The following EZH1 variants were observed in gnomAD, a reference collection of about 807,000 sequenced individuals.
EZH1 encodes histone-lysine N-methyltransferase EZH1.
In EZH1, 33 loss-of-function variants were observed where a neutral mutation model predicts 100.5. The ratio of observed to expected loss-of-function variants is 0.33; its 90% confidence interval spans 0.25 to 0.44. The LOEUF (loss-of-function observed/expected upper bound fraction) is 0.44, where lower values mean the gene tolerates loss of function less well. Among genes scored for constraint, EZH1 ranks in the 20% least tolerant of loss-of-function variants. The pLI, the probability that EZH1 is intolerant of heterozygous loss-of-function variation, is 1.00. For missense variants in EZH1, 475 were observed against 928.4 expected (o/e 0.51, Z 6.35); for synonymous variants, 272 against 313.8 (o/e 0.87, Z 1.41).
chr17:42,718,256 G>C lies in EZH1; in HGVS notation c.932-189C>G, dbSNP rs953924561. On this transcript the variant is annotated intron_variant, in intron 9 of 20. Transcript: ENST00000428826. The surrounding 1 kb of genome is among the most constrained non-coding windows in gnomAD (Gnocchi z 4.2). Reference sequence around the variant, plus strand: ...CAAAGCTAAGAGGTACTGAGGGACAGATAAGTTGCTAGTTAGTCTGTCCCT... The same window carrying C: ...CAAAGCTAAGAGGTACTGAGGGACACATAAGTTGCTAGTTAGTCTGTCCCT... The C allele has an allele frequency of 2.4e-6, 2 of 843,838 alleles. No individual in the cohort carries two copies. The highest frequency in any genetic ancestry group is 3.6e-6 in the Non-Finnish European group (2 of 550,774). The allele number at this position is 843,838 out of a possible 1,614,324, so 52.3% of individuals were successfully genotyped here.
Position 42,745,005 on chromosome 17 carries a change from A to T in EZH1, c.-103+6T>A. 1 of 1,271,206 alleles carries T rather than the reference A, an allele frequency of 7.9e-7. No homozygotes were observed. Among genetic ancestry groups the T allele is most frequent in the Non-Finnish European group, 1.0e-6 (1 of 981,762 alleles). 78.7% of individuals were successfully genotyped at this position (1,271,206 alleles called of 1,614,324 possible). A position where few individuals can be genotyped will look rare whatever the true frequency, so the allele number is the denominator to read the frequency against. ...CCGCCCGGCCCAGGCTTGTTTACTC[A>T]CTCACCCTCCATCCCGAGCCGCGGG... On this transcript the variant is annotated splice_donor_region_variant and intron_variant, in intron 1 of 20. Transcript: ENST00000428826.
intron 7 of EZH1, 126 bp from the exon 8 acceptor site, chr17:42,719,333 T>A (rs1038206415): frequency 1.4e-6 from 1 of 707,688 alleles, no homozygotes; most frequent in East Asian, 2.6e-5. Flanking sequence ...AACCACTGAT[T>A]GTTTGGAGAT....
Position 42,724,260 on chromosome 17 carries a change from C to T in EZH1, c.366+45G>A, listed in dbSNP as rs201858422. ...GGAGCTCTGGCATATCAACATAACA[C>T]AATCATACAGTTTAAATAACCACCA... On this transcript the variant is annotated intron_variant, in intron 5 of 20. Transcript: ENST00000428826. 39 of 1,608,344 alleles carry T rather than the reference C, an allele frequency of 2.4e-5. No individual in the cohort carries two copies. In the African/African-American group the frequency reaches 4.8e-4, roughly 20 times the overall value.
chr17:42,708,093 A>T lies in EZH1; in HGVS notation c.1535-10T>A, dbSNP rs1158837581. On this transcript the variant is annotated splice_polypyrimidine_tract_variant and intron_variant, in intron 14 of 20. Coordinates refer to ENST00000428826, the MANE Select transcript of EZH1 (RefSeq NM_001991.5). The stretch of plus-strand genomic sequence containing the variant: ...TGTGTGGAAGAGTTATCTAGGAAAG[A>T]AAACAGAGGAGGATGCTGCTGTGAC... The T allele has an allele frequency of 1.9e-6, 3 of 1,594,698 alleles. No individual in the cohort carries two copies. In the Admixed American group the frequency reaches 5.3e-5, roughly 28 times the overall value.
rs755800315 is a variant in EZH1 at position 42,718,116 on chromosome 17, G to T, written c.932-49C>A. 3.3e-6 allele frequency: 5 copies of T among 1,507,426 alleles called. No individual in the cohort carries two copies. In the African/African-American group the frequency reaches 4.1e-5, roughly 12 times the overall value. 93.4% of individuals were successfully genotyped at this position (1,507,426 alleles called of 1,614,324 possible). The stretch of plus-strand genomic sequence containing the variant: ...TGCCAGTGGTCTATCCACTTGACAA[G>T]ATGGGGAGAAACAAAAGTGAATTAG... On this transcript the variant is annotated intron_variant, in intron 9 of 20. Coordinates refer to ENST00000428826, the MANE Select transcript of EZH1 (RefSeq NM_001991.5). This position sits in a 1 kb window ranked among gnomAD's most constrained non-coding sequence, Gnocchi z 4.2.
intron 10 of EZH1, among the ~76,000 whole-genome samples, chr17:42,717,269 G>A (rs117884309): frequency 2.0e-5 from 3 of 152,148 alleles, no homozygotes; most frequent in African/African-American, 4.8e-5. Flanking sequence ...TTTACAGTAC[G>A]GCCCATTTTC....
At chr17:42,705,940 T>C in intron 16 of EZH1, 67 bp downstream of exon 16, 1 of 1,424,568 alleles carries the variant, frequency 7.0e-7, no homozygotes, top group South Asian at 1.5e-5. Context: ...GGAAAGAGAA[T>C]GCTTGGGACC....
chr17:42,707,189 T>TA (rs1002055421), intron 15 of EZH1, among the ~76,000 whole-genome samples: 8 of 149,156 alleles, frequency 5.4e-5, no homozygotes, highest in African/African-American at 2.0e-4. Flanking sequence ...AATATCTGAA[T>TA]AAAAAATTTT....
chr17:42,704,990 A>G, intron 17 of EZH1, 98 bp downstream of exon 17: 1 of 1,054,420 alleles, frequency 9.5e-7, no homozygotes, highest in Admixed American at 1.9e-5. Context: ...CAGCTGAGTT[A>G]TTTAGAGATT....
intron 15 of EZH1, among the ~76,000 whole-genome samples, chr17:42,707,168 CACAA>C (rs2053372715): frequency 6.6e-6 from 1 of 151,342 alleles, no homozygotes; most frequent in Non-Finnish European, 1.5e-5. Flanking sequence ...TACACAGAAT[CACAA>C]ACAAAAAATA....
chr17:42,702,916 C>G lies in EZH1; in HGVS notation c.2144G>C (p.Arg715Thr), dbSNP rs946695802. Residue 715 changes from arginine (R) to threonine (T), a missense_variant, in exon 20 of 21, where the codon AGG becomes ACG. This residue lies in a region of EZH1 where 49 missense variants were observed against 164.2 expected (regional missense o/e 0.30). Transcript: ENST00000428826. ...GDHRIGIFAKRAIQAGEELFF... is the reference protein window; with the variant it reads ...GDHRIGIFAKTAIQAGEELFF... ...GAGCTCTTCGCCAGCTTGAATTGCC[C>G]TCTTGGCAAAGATCCCAATCCGATG... The G allele has an allele frequency of 6.2e-7, 1 of 1,614,112 alleles. No homozygotes were observed. Among genetic ancestry groups the G allele is most frequent in the Non-Finnish European group, 8.5e-7 (1 of 1,180,032 alleles).
chr17:42,733,971 C>T (rs1455004123), intron 1 of EZH1, among the ~76,000 whole-genome samples: 2 of 147,854 alleles, frequency 1.4e-5, no homozygotes, highest in East Asian at 2.0e-4. Flanking sequence ...ATCATCAGCA[C>T]GGACAAGAAA....
chr17:42,731,194 T>C (rs1180737741), intron 1 of EZH1, among the ~76,000 whole-genome samples: 4 of 151,978 alleles, frequency 2.6e-5, no homozygotes. Context: ...CTTGGCTCAC[T>C]GCAACCTCCG....
At chr17:42,720,190 A>T in intron 7 of EZH1, 83 bp downstream of exon 7, 1 of 1,459,478 alleles carries the variant, frequency 6.9e-7, no homozygotes, top group Non-Finnish European at 9.2e-7. Context: ...ACAGCCTTTA[A>T]TAGGCAACAA....
At chr17:42,717,604 G>A (rs750052122) in intron 10 of EZH1, among the ~76,000 whole-genome samples, 8 of 152,060 alleles carry the variant, frequency 5.3e-5, no homozygotes, top group Non-Finnish European at 7.4e-5. Flanking sequence ...GCATCATCAC[G>A]TGCTATTCGT....
At chr17:42,715,731 T>C (rs202193626) in intron 10 of EZH1, among the ~76,000 whole-genome samples, 4 of 152,030 alleles carry the variant, frequency 2.6e-5, no homozygotes, top group Admixed American at 2.0e-4. Context: ...AGTGATAGAA[T>C]TATTTGAGAT....
At chr17:42,719,836 A>C (rs1230415193) in intron 7 of EZH1, among the ~76,000 whole-genome samples, 1 of 152,220 alleles carries the variant, frequency 6.6e-6, no homozygotes, top group Non-Finnish European at 1.5e-5. Flanking sequence ...TCCTATCATG[A>C]AGTGGATGCT....
Position 42,700,959 on chromosome 17 carries a change from G to A in EZH1, c.*1573C>T, listed in dbSNP as rs1358006612. 1 of 152,294 alleles carries A rather than the reference G, an allele frequency of 6.6e-6. No homozygotes were observed. The highest frequency in any genetic ancestry group is 1.5e-5 in the Non-Finnish European group (1 of 68,044). 9.4% of individuals were successfully genotyped at this position (152,294 alleles called of 1,614,324 possible). On this transcript the variant is annotated 3_prime_UTR_variant, in exon 21 of 21. Transcript: ENST00000428826. ...ACAACAAGTGGAGTGGGAAGAAGCG[G>A]GGCTCTGAGTCCCAGAAAGAAGGGA...
At chr17:42,744,899 T>G in intron 1 of EZH1, 112 bp downstream of exon 1, 1 of 1,154,498 alleles carries the variant, frequency 8.7e-7, no homozygotes, top group Non-Finnish European at 1.1e-6. Context: ...AGTGTGTCCC[T>G]CGGATTCCTT....
Sources: gnomAD v4.1 joint callset for allele counts (sites outside exome capture counted in the v4.1 genomes callset) on GRCh38, gnomAD v4.1.1 for gene constraint, gnomAD v4.1.1 regional missense constraint, Gnocchi (gnomAD v3.1) non-coding constraint, MANE v1.5 for transcripts, NCBI Gene and HGNC (gene_info 2026-07-23, HGNC 2026-07-21) for gene names.